Variants in GAB2 observed in about 807,000 individuals in gnomAD.
The protein encoded by GAB2 is GRB2-associated-binding protein 2.
In GAB2, 26 loss-of-function variants were observed where a neutral mutation model predicts 65.5. The ratio of observed to expected loss-of-function variants is 0.40; its 90% CI spans 0.29 to 0.55. GAB2 has a LOEUF of 0.55. Ranked by LOEUF, GAB2 falls within the 20% of genes least tolerant of loss-of-function variation. GAB2 has a pLI of 0.53. For synonymous variants in GAB2, 321 were observed against 329.6 expected, an observed-to-expected ratio of 0.97 and a Z score of 0.28; for missense variants, 884 against 875.8, an observed-to-expected ratio of 1.01 and a Z score of -0.12.
chr11:78,326,028 T>C (rs916153880), intron 1 of GAB2, among the ~76,000 whole-genome samples: 2 of 152,216 alleles, frequency 1.3e-5, no homozygotes, highest in African/African-American at 4.8e-5. Context: ...AGACAATCAT[T>C]CTTATCTTGT....
intron 1 of GAB2, among the ~76,000 whole-genome samples, chr11:78,336,959 G>T (rs1856013441): frequency 6.6e-6 from 1 of 152,196 alleles, no homozygotes. Context: ...GTAAAGGGAA[G>T]AAAAGCCATT....
rs148337838 is a variant in GAB2 at position 78,407,494 on chromosome 11, G to A, written c.75+10152C>T. Among the ~76,000 whole-genome samples, 619 of 152,000 alleles carry A rather than the reference G, an allele frequency of 4.1e-3. 3 individuals carry two copies. Among genetic ancestry groups the A allele is most frequent in the Middle Eastern group, 0.01 (3 of 294 alleles). On this transcript the variant is annotated intron_variant, in intron 1 of 9. Transcript: ENST00000361507. ...AAAAATACAAAAAAATTAGCTGGGC[G>A]TGGTGGTGAGCGCCTGTAATCTCAG... is the stretch of plus-strand genomic sequence containing the variant.
At position 78,222,110 on chromosome 11, in the gene GAB2, C is replaced by T. The variant is rs1295993745; in HGVS notation, c.1653G>A (p.Arg551=). Residue 551 remains arginine, a synonymous_variant, in exon 7 of 10, where the codon AGG becomes AGA. Transcript: ENST00000361507. ...FKSPITKSWS[R]ANHTFNSSSS... ...CCCCACACATACGCACTTACTTGGC[C>T]CTAGACCAAGACTTGGTGATAGGTG... 6.2e-6 allele frequency: 10 copies of T among 1,608,846 alleles called. No individual in the cohort carries two copies. Among genetic ancestry groups the T allele is most frequent in the African/African-American group, 4.0e-5 (3 of 74,886 alleles).
rs1314593193 is a variant in GAB2, at chr11:78,261,384, G to A, written c.377-10984C>T. Among the ~76,000 whole-genome samples, 10 of 152,250 alleles carry A rather than the reference G, an allele frequency of 6.6e-5. No homozygotes were observed. In the South Asian group the frequency reaches 1.2e-3, roughly 19 times the overall value. ...AGTTCTGTTGGAATCTTTCCTCCCTGGGTTAGAAGAATGACCAAATGAGAT... is the reference window on the plus strand; with the variant it reads ...AGTTCTGTTGGAATCTTTCCTCCCTAGGTTAGAAGAATGACCAAATGAGAT... On this transcript the variant is annotated intron_variant, in intron 2 of 9. Coordinates refer to ENST00000361507, the MANE Select transcript of GAB2 (RefSeq NM_080491.3).
intron 1 of GAB2, among the ~76,000 whole-genome samples, chr11:78,387,890 G>C (rs11823545): frequency 0.012 from 1,791 of 152,238 alleles, 39 homozygotes; most frequent in African/African-American, 0.041. Flanking sequence ...GACATCTTTT[G>C]CAATTTTCCT....
At chr11:78,343,449 G>A (rs963393207) in intron 1 of GAB2, among the ~76,000 whole-genome samples, 2 of 151,884 alleles carry the variant, frequency 1.3e-5, no homozygotes, top group African/African-American at 4.8e-5. Flanking sequence ...GAGGGAGAAG[G>A]AGAGGGAGAG....
At chr11:78,312,489 G>C (rs1477364267) in intron 1 of GAB2, among the ~76,000 whole-genome samples, 1 of 152,164 alleles carries the variant, frequency 6.6e-6, no homozygotes, top group Non-Finnish European at 1.5e-5. Flanking sequence ...GCAGTGGCAC[G>C]ATCTCAGCTC....
intron 1 of GAB2, among the ~76,000 whole-genome samples, chr11:78,307,609 A>AGAGAGAGAGAGAGAGG (rs1855393727): frequency 6.8e-6 from 1 of 146,362 alleles, no homozygotes; most frequent in East Asian, 2.0e-4. Context: ...AATGTTAGAG[A>AGAGAGAGAGAGAGAGG]GAGAGAGAGA....
chr11:78,414,983 T>A (rs912286027), intron 1 of GAB2, among the ~76,000 whole-genome samples: 5 of 152,166 alleles, frequency 3.3e-5, no homozygotes, highest in Admixed American at 2.6e-4. Flanking sequence ...GCGATTCTCA[T>A]GTCTCAGCCT....
At chr11:78,376,282 TAAG>T (rs767608971) in intron 1 of GAB2, among the ~76,000 whole-genome samples, 73 of 152,202 alleles carry the variant, frequency 4.8e-4, no homozygotes, top group Admixed American at 7.9e-4. Flanking sequence ...TTGGCATTAA[TAAG>T]AAGAGCCCAT....
intron 3 of GAB2, among the ~76,000 whole-genome samples, chr11:78,242,989 T>C (rs1042387961): frequency 2.6e-5 from 4 of 151,060 alleles, no homozygotes; most frequent in East Asian, 1.9e-4. Context: ...ATGGTGAAAC[T>C]CCGTCTCTAC....
At chr11:78,243,077 G>A (rs1865186054) in intron 3 of GAB2, among the ~76,000 whole-genome samples, 2 of 151,682 alleles carry the variant, frequency 1.3e-5, no homozygotes, top group African/African-American at 2.4e-5. Context: ...CATGAAAATC[G>A]CTGGAACCTG....
chr11:78,415,939 CTT>C (rs1303081510), intron 1 of GAB2, among the ~76,000 whole-genome samples: 43 of 128,944 alleles, frequency 3.3e-4, no homozygotes, highest in Admixed American at 3.1e-4. Context: ...TTAAGGGTCA[CTT>C]TTTTTTTTTT....
chr11:78,223,037 G>A (rs1864506111), intron 6 of GAB2, among the ~76,000 whole-genome samples: 2 of 152,162 alleles, frequency 1.3e-5, no homozygotes, highest in African/African-American at 4.8e-5. Flanking sequence ...ATTCCCTGTT[G>A]GCCAGACCCA....
At chr11:78,298,301 G>A (rs900073560) in intron 1 of GAB2, among the ~76,000 whole-genome samples, 2 of 152,176 alleles carry the variant, frequency 1.3e-5, no homozygotes, top group African/African-American at 2.4e-5. Context: ...GAAGAATAAA[G>A]ACTTCAAGAT....
chr11:78,234,143 T>C (rs1294835252), intron 3 of GAB2, among the ~76,000 whole-genome samples: 2 of 152,138 alleles, frequency 1.3e-5, no homozygotes, highest in Non-Finnish European at 2.9e-5. Flanking sequence ...TGCAATGGAA[T>C]GATCTTGGCT....
At chr11:78,368,909 G>A (rs750845676) in intron 1 of GAB2, among the ~76,000 whole-genome samples, 7 of 151,550 alleles carry the variant, frequency 4.6e-5, no homozygotes, top group Non-Finnish European at 8.8e-5. Context: ...AGACCCCATC[G>A]CTACAAACAA....
chr11:78,229,109 T>C (rs1864765943), intron 3 of GAB2, among the ~76,000 whole-genome samples: 1 of 152,226 alleles, frequency 6.6e-6, no homozygotes, highest in Non-Finnish European at 1.5e-5. Flanking sequence ...GGGGTGAGTA[T>C]GTAGCTGCTG....
intron 8 of GAB2, among the ~76,000 whole-genome samples, chr11:78,220,798 C>T (rs1037399012): frequency 6.6e-5 from 10 of 152,178 alleles, no homozygotes; most frequent in African/African-American, 1.9e-4. Flanking sequence ...GCACATCAGG[C>T]CAAGTCTCAT....
Sources: gnomAD v4.1 joint callset for allele counts (sites outside exome capture counted in the v4.1 genomes callset) on GRCh38, gnomAD v4.1.1 for gene constraint, MANE v1.5 for transcripts, NCBI Gene and HGNC (gene_info 2026-07-23, HGNC 2026-07-21) for gene names.